The following FRMD6 variants were observed in gnomAD, a reference collection of about 807,000 sequenced individuals.
The protein encoded by FRMD6 is FERM domain containing 6.
A neutral mutation model predicts 73.2 loss-of-function variants in FRMD6; 37 were observed. The observed-to-expected ratio is 0.51, with a 90% CI of 0.39 to 0.66. FRMD6 has a LOEUF of 0.66. Ranked by LOEUF, FRMD6 falls within the 30% of genes least tolerant of loss-of-function variation. The pLI is 0.00. For missense variants in FRMD6, 714 were observed against 780.5 expected, an observed-to-expected ratio of 0.91 and a Z score of 1.02; for synonymous variants, 273 against 282.2, an observed-to-expected ratio of 0.97 and a Z score of 0.33.
the FRMD6 span, among the ~76,000 whole-genome samples, chr14:51,412,259 C>G: frequency 6.6e-6 from 1 of 151,816 alleles, no homozygotes; most frequent in East Asian, 1.9e-4. Context: ...ATTTTTTGTT[C>G]AAGTGTGTCT....
At chr14:51,534,380 A>T (rs1460345540) in intron 1 of FRMD6, among the ~76,000 whole-genome samples, 1 of 152,184 alleles carries the variant, frequency 6.6e-6, no homozygotes, top group African/African-American at 2.4e-5. Flanking sequence ...GCATGATTGG[A>T]GATTGAGTTG....
At position 51,715,338 on chromosome 14, in the gene FRMD6, A is replaced by G; in HGVS notation, c.863A>G (p.Glu288Gly). The change falls in exon 10 of 14, where the codon GAG (glutamate) becomes GGG (glycine). Residue 288 changes from glutamate to glycine, a missense_variant. Transcript: ENST00000344768. Reference protein sequence around the residue: ...GKLVFVGKKFEILPDGLPSAR... With the variant: ...GKLVFVGKKFGILPDGLPSAR... ...TTCCTTCCAAAGGGTAAGAAATTTGAGATTTTGCCAGATGGCTTGCCTTCT... is the reference window on the plus strand; with the variant it reads ...TTCCTTCCAAAGGGTAAGAAATTTGGGATTTTGCCAGATGGCTTGCCTTCT... The G allele has an allele frequency of 6.4e-7, 1 of 1,563,904 alleles. No individual in the cohort carries two copies. The highest frequency in any genetic ancestry group is 8.7e-7 in the Non-Finnish European group (1 of 1,151,820).
At chr14:51,628,175 A>G (rs1891186492) in intron 2 of FRMD6, among the ~76,000 whole-genome samples, 1 of 152,206 alleles carries the variant, frequency 6.6e-6, no homozygotes, top group Non-Finnish European at 1.5e-5. Context: ...ACTGTATTTG[A>G]GCTAAAAAAA....
chr14:51,530,914 G>A (rs1885545591), intron 1 of FRMD6, among the ~76,000 whole-genome samples: 1 of 152,156 alleles, frequency 6.6e-6, no homozygotes, highest in Non-Finnish European at 1.5e-5. Context: ...CCTGAGACTG[G>A]GTAATTTATA....
chr14:51,510,223 A>G (rs931328475), intron 1 of FRMD6, among the ~76,000 whole-genome samples: 1 of 152,176 alleles, frequency 6.6e-6, no homozygotes, highest in African/African-American at 2.4e-5. Context: ...TAACTCATTT[A>G]TTCTCCCAGC....
intron 1 of FRMD6, among the ~76,000 whole-genome samples, chr14:51,517,139 G>T (rs1884679250): frequency 6.6e-6 from 1 of 152,114 alleles, no homozygotes; most frequent in African/African-American, 2.4e-5. Context: ...ATTTGGAACT[G>T]GGAAATAATA....
intron 2 of FRMD6, among the ~76,000 whole-genome samples, chr14:51,580,369 C>T (rs1888652599): frequency 6.6e-6 from 1 of 152,192 alleles, no homozygotes; most frequent in East Asian, 1.9e-4. Context: ...TTGCAAACAC[C>T]TATGAGCACT....
intron 2 of FRMD6, among the ~76,000 whole-genome samples, chr14:51,591,839 C>A (rs1204160596): frequency 1.3e-5 from 2 of 152,172 alleles, no homozygotes; most frequent in African/African-American, 4.8e-5. Context: ...CCACATCCGG[C>A]CACTATTTTT....
At chr14:51,500,502 C>T (rs1421709509) in intron 1 of FRMD6, among the ~76,000 whole-genome samples, 1 of 150,794 alleles carries the variant, frequency 6.6e-6, no homozygotes, top group Non-Finnish European at 1.5e-5. Context: ...CTGGGCGACA[C>T]TGCACTCCAG....
intron 2 of FRMD6, among the ~76,000 whole-genome samples, chr14:51,582,041 G>A (rs1314970577): frequency 1.3e-5 from 2 of 152,186 alleles, no homozygotes; most frequent in Non-Finnish European, 2.9e-5. Context: ...CTTTAGAATA[G>A]GACCTGTCTT....
chr14:51,655,926 A>C (rs1435700105), intron 1 of FRMD6, among the ~76,000 whole-genome samples: 1 of 152,224 alleles, frequency 6.6e-6, no homozygotes, highest in South Asian at 2.1e-4. Flanking sequence ...GCCACTTCCC[A>C]TTTCAAAGAC....
the FRMD6 span, among the ~76,000 whole-genome samples, chr14:51,468,582 T>G: frequency 2.0e-5 from 3 of 152,142 alleles, no homozygotes; most frequent in Admixed American, 6.5e-5. Flanking sequence ...TCTTAAAAAA[T>G]TTGACATTGT....
intron 1 of FRMD6, among the ~76,000 whole-genome samples, chr14:51,502,092 A>T (rs946725724): frequency 1.3e-5 from 2 of 151,908 alleles, no homozygotes; most frequent in African/African-American, 4.8e-5. Flanking sequence ...TGTAACTTTA[A>T]GTTTCTTAAA....
chr14:51,495,533 A>C (rs1883245837), intron 1 of FRMD6, among the ~76,000 whole-genome samples: 1 of 152,204 alleles, frequency 6.6e-6, no homozygotes, highest in Non-Finnish European at 1.5e-5. Flanking sequence ...CAACAAATAC[A>C]AGCATTGTCT....
the FRMD6 span, among the ~76,000 whole-genome samples, chr14:51,481,641 C>G: frequency 6.6e-6 from 1 of 152,218 alleles, no homozygotes; most frequent in African/African-American, 2.4e-5. Context: ...TCCAGGTTTC[C>G]TTCGATCACC....
At chr14:51,476,796 A>G in the FRMD6 span, among the ~76,000 whole-genome samples, 1 of 152,242 alleles carries the variant, frequency 6.6e-6, no homozygotes, top group Admixed American at 6.5e-5. Flanking sequence ...GTCAGGGGCC[A>G]TCAGGAGAAA....
At chr14:51,676,468 A>C (rs1894396806) in intron 1 of FRMD6, among the ~76,000 whole-genome samples, 1 of 152,224 alleles carries the variant, frequency 6.6e-6, no homozygotes, top group Admixed American at 6.5e-5. Flanking sequence ...AGTATGTGGT[A>C]CATGGTGGTT....
At chr14:51,525,361 C>T (rs963634371) in intron 1 of FRMD6, among the ~76,000 whole-genome samples, 5 of 152,028 alleles carry the variant, frequency 3.3e-5, no homozygotes, top group Non-Finnish European at 7.4e-5. Flanking sequence ...CTCCCCCTCC[C>T]GGGTTCAAGC....
chr14:51,450,104 A>G, the FRMD6 span, among the ~76,000 whole-genome samples: 1 of 152,240 alleles, frequency 6.6e-6, no homozygotes, highest in East Asian at 1.9e-4. Context: ...CAAAAATTCA[A>G]TATACTTATA....
Sources: allele counts gnomAD v4.1 joint callset (sites outside exome capture counted in the v4.1 genomes callset), GRCh38; gene constraint gnomAD v4.1.1; transcripts MANE v1.5; gene names NCBI Gene and HGNC (gene_info 2026-07-23, HGNC 2026-07-21).